Variants in ACTR2 observed in about 807,000 individuals in gnomAD.
ACTR2 encodes the protein actin-related protein 2.
ACTR2 carries 5 observed loss-of-function variants against 50.2 expected under a neutral mutation model. That is an observed-to-expected ratio of 0.10 (90% confidence interval 0.05 to 0.21). ACTR2 has a LOEUF of 0.21. ACTR2 is among the 10% of genes least tolerant of loss of function. The pLI is 1.00. For synonymous variants in ACTR2, 140 were observed against 162.9 expected, an observed-to-expected ratio of 0.86 and a Z score of 1.07; for missense variants, 180 against 480.6, an observed-to-expected ratio of 0.37 and a Z score of 5.85.
At chr2:65,246,772 T>G (rs1671945823) in intron 3 of ACTR2, 33 bp downstream of exon 3, 1 of 1,412,442 alleles carries the variant, frequency 7.1e-7, no homozygotes, top group Non-Finnish European at 9.7e-7. Context: ...CATATGTGTA[T>G]TTCTGTGATA....
intron 1 of ACTR2, among the ~76,000 whole-genome samples, chr2:65,238,671 AAAAG>A (rs1671784554): frequency 2.0e-5 from 3 of 147,764 alleles, no homozygotes; most frequent in African/African-American, 7.5e-5. Flanking sequence ...AAAAAAAAAA[AAAAG>A]TAAATAGCTA....
chr2:65,259,992 A>T (rs900599845), intron 6 of ACTR2, among the ~76,000 whole-genome samples: 7 of 152,210 alleles, frequency 4.6e-5, no homozygotes, highest in Non-Finnish European at 1.0e-4. Flanking sequence ...ATTTGCTTAA[A>T]TTGAAATTAT....
intron 7 of ACTR2, among the ~76,000 whole-genome samples, chr2:65,264,461 G>T (rs986857983): frequency 6.6e-6 from 1 of 152,130 alleles, no homozygotes; most frequent in African/African-American, 2.4e-5. Flanking sequence ...TACTACATAT[G>T]CAGTCTTTTT....
At chr2:65,230,141 A>G (rs964744021) in intron 1 of ACTR2, among the ~76,000 whole-genome samples, 1 of 152,240 alleles carries the variant, frequency 6.6e-6, no homozygotes, top group Non-Finnish European at 1.5e-5. Flanking sequence ...ATGTGCGGCT[A>G]AAATTCAGTT....
At chr2:65,253,582 GAAAC>G in intron 4 of ACTR2, 142 bp from the exon 5 acceptor site, 1 of 790,130 alleles carries the variant, frequency 1.3e-6, no homozygotes, top group African/African-American at 1.7e-5. Context: ...TTATGCATTA[GAAAC>G]AAACTGCAAA....
At chr2:65,262,875 A>G (rs1376053469) in intron 7 of ACTR2, among the ~76,000 whole-genome samples, 1 of 151,694 alleles carries the variant, frequency 6.6e-6, no homozygotes, top group East Asian at 2.0e-4. Flanking sequence ...CTGAAGTGGG[A>G]GGATTGCTTG....
chr2:65,247,543 G>T (rs755184001), intron 3 of ACTR2, among the ~76,000 whole-genome samples: 2 of 151,928 alleles, frequency 1.3e-5, no homozygotes, highest in Non-Finnish European at 2.9e-5. Flanking sequence ...AGTGGAGATC[G>T]TGCCACTGCA....
intron 6 of ACTR2, among the ~76,000 whole-genome samples, chr2:65,258,275 A>G (rs890929109): frequency 1.3e-5 from 2 of 152,136 alleles, no homozygotes; most frequent in Non-Finnish European, 2.9e-5. Flanking sequence ...GAGGTAGGCT[A>G]CAAAAATATA....
intron 1 of ACTR2, among the ~76,000 whole-genome samples, chr2:65,230,245 A>T (rs1220275167): frequency 6.6e-6 from 1 of 152,074 alleles, no homozygotes; most frequent in Admixed American, 6.6e-5. Context: ...TGAATTTAAA[A>T]TTTTTTGTTT....
intron 3 of ACTR2, among the ~76,000 whole-genome samples, chr2:65,250,672 CAAAAAAAAAAA>C (rs368589131): frequency 1.4e-4 from 12 of 84,904 alleles, no homozygotes; most frequent in Non-Finnish European, 2.3e-4. Flanking sequence ...GACTTCATCT[CAAAAAAAAAAA>C]AAAAAAAAAA....
chr2:65,246,414 G>A, intron 2 of ACTR2, 110 bp from the exon 3 acceptor site: 1 of 746,856 alleles, frequency 1.3e-6, no homozygotes, highest in Non-Finnish European at 2.1e-6. Context: ...CTAACTTGTG[G>A]AATAAAAAGA....
At position 65,269,925 on chromosome 2, in the gene ACTR2, T is replaced by C. The variant is rs1672459581; in HGVS notation, c.*1191T>C. On this transcript the variant is annotated 3_prime_UTR_variant, in exon 9 of 9. Transcript: ENST00000260641. ...CCAAAAAAATCAAGATTTAATTTTT[T>C]TATTTGTACTGAAAAACTAATCATA... The C allele has an allele frequency of 6.6e-6, 1 of 152,232 alleles. No individual in the cohort carries two copies. The highest frequency in any genetic ancestry group is 2.1e-4 in the South Asian group (1 of 4,832). 9.4% of individuals were successfully genotyped at this position (152,232 alleles called of 1,614,324 possible).
At position 65,265,190 on chromosome 2, in the gene ACTR2, A is replaced by G; in HGVS notation, c.1014+15A>G. On this transcript the variant is annotated intron_variant, in intron 8 of 8. Transcript: ENST00000260641. The stretch of plus-strand genomic sequence containing the variant: ...AAAAACTTTCTGTAAGTATTAGTAA[A>G]TCAACTATTACTAACATTCTTTTAA... 2 of 1,613,690 alleles carry G rather than the reference A, an allele frequency of 1.2e-6. No individual in the cohort carries two copies. Among genetic ancestry groups the G allele is most frequent in the Non-Finnish European group, 1.7e-6 (2 of 1,179,538 alleles).
intron 1 of ACTR2, among the ~76,000 whole-genome samples, chr2:65,235,494 C>A (rs757163928): frequency 6.6e-6 from 1 of 152,182 alleles, no homozygotes; most frequent in Non-Finnish European, 1.5e-5. Context: ...CCGTGGCTCA[C>A]GCCTGTAATC....
At chr2:65,250,879 TAAG>T in intron 3 of ACTR2, 145 bp from the exon 4 acceptor site, 1 of 492,166 alleles carries the variant, frequency 2.0e-6, no homozygotes, top group Non-Finnish European at 3.6e-6. Context: ...CAATAAGAAA[TAAG>T]AGGAGCTGAT....
Position 65,253,823 on chromosome 2 carries a change from C to G in ACTR2, c.544C>G (p.Leu182Val). ...TTCTCTCCCTCATCTTACCAGGAGA[C>G]TGGATATTGCTGGGAGGGATATAAC... is the stretch of plus-strand genomic sequence containing the variant. ...GFSLPHLTRR[L>V]DIAGRDITRY... The change falls in exon 5 of 9, where the codon CTG becomes GTG. Residue 182 changes from leucine (L) to valine (V), a missense_variant. By Grantham distance (32) the Leu-to-Val change is conservative. Transcript: ENST00000260641. 6.2e-7 allele frequency: 1 copy of G among 1,613,030 alleles called. No homozygotes were observed. Among genetic ancestry groups the G allele is most frequent in the Non-Finnish European group, 8.5e-7 (1 of 1,179,064 alleles).
intron 7 of ACTR2, among the ~76,000 whole-genome samples, chr2:65,262,440 C>T (rs1466309137): frequency 1.3e-5 from 2 of 150,580 alleles, no homozygotes; most frequent in South Asian, 2.1e-4. Flanking sequence ...GGGGTTTTGC[C>T]GTATTGACCA....
At chr2:65,252,519 C>CGT (rs1672073090) in intron 4 of ACTR2, among the ~76,000 whole-genome samples, 1 of 151,924 alleles carries the variant, frequency 6.6e-6, no homozygotes, top group Non-Finnish European at 1.5e-5. Context: ...GTGGCATGTG[C>CGT]CTGTAATCCC....
intron 6 of ACTR2, among the ~76,000 whole-genome samples, chr2:65,257,636 G>A (rs1054703141): frequency 3.3e-5 from 5 of 152,108 alleles, no homozygotes; most frequent in South Asian, 4.1e-4. Context: ...TTTAAGGATC[G>A]CCATTCTAAC....
Sources: allele counts gnomAD v4.1 joint callset (sites outside exome capture counted in the v4.1 genomes callset), GRCh38; gene constraint gnomAD v4.1.1; transcripts MANE v1.5; gene names NCBI Gene and HGNC (gene_info 2026-07-23, HGNC 2026-07-21).